The following MOB3B variants were observed in gnomAD, a reference collection of about 807,000 sequenced individuals.
MOB3B encodes the protein MOB kinase activator-like 2B.
A neutral mutation model predicts 18.7 loss-of-function variants in MOB3B; 7 were observed. The ratio of observed to expected loss-of-function variants is 0.37; its 90% CI spans 0.21 to 0.70. MOB3B has a LOEUF of 0.70. Ranked by LOEUF, MOB3B falls within the 30% of genes least tolerant of loss-of-function variation. The probability of loss-of-function intolerance (pLI) is 0.52; values close to 1 mark genes in which losing one functional copy is unlikely to be tolerated. For synonymous variants in MOB3B, 111 were observed against 99.9 expected (o/e 1.11, Z -0.66); for missense variants, 253 against 281.3 (o/e 0.90, Z 0.72).
intron 1 of MOB3B, among the ~76,000 whole-genome samples, chr9:27,528,116 G>C (rs1006290737): frequency 6.6e-6 from 1 of 152,198 alleles, no homozygotes; most frequent in Non-Finnish European, 1.5e-5. Flanking sequence ...AGAACTCCAC[G>C]TTCATTCCGG....
At chr9:27,336,626 G>A (rs1820867544) in intron 3 of MOB3B, among the ~76,000 whole-genome samples, 2 of 152,158 alleles carry the variant, frequency 1.3e-5, no homozygotes, top group South Asian at 2.1e-4. Context: ...TGAGCAGTAC[G>A]CCTCTCTCAG....
At chr9:27,346,029 G>T (rs903625716) in intron 3 of MOB3B, among the ~76,000 whole-genome samples, 4 of 152,290 alleles carry the variant, frequency 2.6e-5, no homozygotes, top group African/African-American at 9.6e-5. Context: ...CAGTGTAATA[G>T]TATTAAGAGG....
At position 27,349,039 on chromosome 9, in the gene MOB3B, GCA is replaced by G. The variant is rs533814885; in HGVS notation, c.621+9993_621+9994del. ...TGGGAAGTTCCCTATGGAGCTATCTGCATATCTCTTTCTTCTTCCAGATCTGC... is the reference window on the plus strand; with the variant it reads ...TGGGAAGTTCCCTATGGAGCTATCTGTATCTCTTTCTTCTTCCAGATCTGC... On this transcript the variant is annotated intron_variant, in intron 3 of 3. Transcript: ENST00000262244. 3.5e-3 allele frequency among the ~76,000 whole-genome samples: 507 copies of G among 146,898 alleles called. 4 individuals carry two copies. The highest frequency in any genetic ancestry group is 0.013 in the African/African-American group (469 of 36,456).
At chr9:27,356,175 AT>A (rs961068159) in intron 3 of MOB3B, among the ~76,000 whole-genome samples, 1 of 152,250 alleles carries the variant, frequency 6.6e-6, no homozygotes, top group African/African-American at 2.4e-5. Context: ...ACAATTAAGC[AT>A]TTAAAAAGTA....
chr9:27,398,581 C>T (rs1821833600), intron 2 of MOB3B, among the ~76,000 whole-genome samples: 1 of 152,124 alleles, frequency 6.6e-6, no homozygotes, highest in Non-Finnish European at 1.5e-5. Flanking sequence ...AGGATCACTA[C>T]ATGAGCTAAT....
intron 1 of MOB3B, among the ~76,000 whole-genome samples, chr9:27,467,121 A>G (rs1227054873): frequency 6.6e-6 from 1 of 152,194 alleles, no homozygotes; most frequent in African/African-American, 2.4e-5. Flanking sequence ...GCCAATAACA[A>G]GTTAAAAAAA....
At chr9:27,426,327 G>A (rs1171279925) in intron 2 of MOB3B, among the ~76,000 whole-genome samples, 1 of 152,190 alleles carries the variant, frequency 6.6e-6, no homozygotes, top group Admixed American at 6.5e-5. Flanking sequence ...GGGGTTATAC[G>A]TTTTGTTTTG....
chr9:27,371,928 A>ATTTAGTC (rs1466786728), intron 2 of MOB3B, among the ~76,000 whole-genome samples: 6 of 152,318 alleles, frequency 3.9e-5, no homozygotes, highest in African/African-American at 1.4e-4. Context: ...TATTAACATT[A>ATTTAGTC]TTTAGTCTTA....
intron 1 of MOB3B, among the ~76,000 whole-genome samples, chr9:27,456,465 G>T (rs1445446652): frequency 6.6e-6 from 1 of 152,202 alleles, no homozygotes; most frequent in African/African-American, 2.4e-5. Context: ...AAGAGAGACA[G>T]TGAGAAGAAC....
chr9:27,527,400 G>A (rs996097653), intron 1 of MOB3B, among the ~76,000 whole-genome samples: 1 of 152,194 alleles, frequency 6.6e-6, no homozygotes, highest in Admixed American at 6.5e-5. Flanking sequence ...CGTTGGGAAG[G>A]TAAAGAGATA....
intron 1 of MOB3B, among the ~76,000 whole-genome samples, chr9:27,498,466 T>C (rs1175290118): frequency 6.6e-6 from 1 of 152,116 alleles, no homozygotes; most frequent in Non-Finnish European, 1.5e-5. Context: ...TGTAATCCCT[T>C]TGCAAATGCA....
chr9:27,467,059 TA>T lies in MOB3B; in HGVS notation c.-198-11312del, dbSNP rs370429167. Among the ~76,000 whole-genome samples, 167 of 152,254 alleles carry T rather than the reference TA, an allele frequency of 1.1e-3. 1 individual carries two copies. The highest frequency in any genetic ancestry group is 3.9e-3 in the African/African-American group (161 of 41,534). Reference sequence around the variant, plus strand: ...GTACACAAAGCAGGTAACCCTGAGATAAAATTGAGACAAATAATTAATGATT... The same window carrying T: ...GTACACAAAGCAGGTAACCCTGAGATAAATTGAGACAAATAATTAATGATT... On this transcript the variant is annotated intron_variant, in intron 1 of 3. Coordinates refer to ENST00000262244, the MANE Select transcript of MOB3B (RefSeq NM_024761.5).
At chr9:27,360,899 G>T (rs1366296882) in intron 2 of MOB3B, among the ~76,000 whole-genome samples, 3 of 152,148 alleles carry the variant, frequency 2.0e-5, no homozygotes, top group Non-Finnish European at 2.9e-5. Flanking sequence ...GGGATTTGGG[G>T]TTGAGGGTGC....
At chr9:27,513,531 A>G (rs1197953904) in intron 1 of MOB3B, among the ~76,000 whole-genome samples, 2 of 152,138 alleles carry the variant, frequency 1.3e-5, no homozygotes, top group African/African-American at 4.8e-5. Flanking sequence ...AACCTATCCT[A>G]GTACCAACCT....
At chr9:27,424,527 A>G (rs1822299449) in intron 2 of MOB3B, among the ~76,000 whole-genome samples, 1 of 152,200 alleles carries the variant, frequency 6.6e-6, no homozygotes, top group Admixed American at 6.5e-5. Context: ...ACTGCGAGGA[A>G]GATAAACTCT....
chr9:27,387,518 T>C (rs569608100), intron 2 of MOB3B, among the ~76,000 whole-genome samples: 1 of 152,354 alleles, frequency 6.6e-6, no homozygotes, highest in South Asian at 2.1e-4. Context: ...TTCAATAAGC[T>C]AATATGTTAA....
chr9:27,408,100 C>T (rs1822014149), intron 2 of MOB3B, among the ~76,000 whole-genome samples: 2 of 152,186 alleles, frequency 1.3e-5, no homozygotes, highest in South Asian at 4.1e-4. Context: ...CTGGCCGAGG[C>T]TGACACAGAA....
At chr9:27,368,353 TAC>T (rs138287792) in intron 2 of MOB3B, among the ~76,000 whole-genome samples, 12,333 of 145,804 alleles carry the variant, frequency 0.085, 781 homozygotes, top group African/African-American at 0.18. Context: ...CACACATACA[TAC>T]ACACACACAC....
At chr9:27,472,678 TAAAAAAAAAA>T (rs56092176) in intron 1 of MOB3B, among the ~76,000 whole-genome samples, 3 of 98,910 alleles carry the variant, frequency 3.0e-5, no homozygotes, top group East Asian at 6.8e-4. Context: ...CACTTTATTC[TAAAAAAAAAA>T]AAAAAAAAAA....
Sources: allele counts gnomAD v4.1 joint callset (sites outside exome capture counted in the v4.1 genomes callset), GRCh38; gene constraint gnomAD v4.1.1; transcripts MANE v1.5; gene names NCBI Gene and HGNC (gene_info 2026-07-23, HGNC 2026-07-21).